ZNF263: variants seen among roughly 807,000 people sequenced by gnomAD.
ZNF263 encodes the protein zinc finger protein FPM315.
In ZNF263, 49 loss-of-function variants were observed where a neutral mutation model predicts 63.1. That is an observed-to-expected ratio of 0.78 (90% CI 0.62 to 0.99). The LOEUF (loss-of-function observed/expected upper bound fraction) is 0.99. ZNF263 is among the 50% of genes least tolerant of loss of function. ZNF263 has a pLI of 0.00. For missense variants in ZNF263, 872 were observed against 854.8 expected (o/e 1.02, Z -0.25); for synonymous variants, 352 against 324.2 (o/e 1.09, Z -0.92).
downstream of ZNF263, among the ~76,000 whole-genome samples, chr16:3,295,790 G>T (rs1959729831): frequency 6.6e-6 from 1 of 152,246 alleles, no homozygotes; most frequent in Admixed American, 6.5e-5. Flanking sequence ...AAGGCGAAGG[G>T]AGCCTGGACC....
At chr16:3,299,509 G>T in intron 2 of ZNF263, 1 of 1,533,158 alleles carries the variant, frequency 6.5e-7, no homozygotes. Flanking sequence ...TTTAATTTTG[G>T]AAACTCCTTT....
intron 2 of ZNF263, chr16:3,300,274 A>G (rs778660877): frequency 6.2e-7 from 1 of 1,614,204 alleles, no homozygotes; most frequent in East Asian, 2.2e-5. Context: ...TGTTCGCCCA[A>G]AACACCGTGC....
chr16:3,297,456 C>CT (rs1168352573), intron 1 of ZNF263, among the ~76,000 whole-genome samples: 4,650 of 76,476 alleles, frequency 0.061, 1,062 homozygotes, highest in East Asian at 0.1. Flanking sequence ...GAAACAGATT[C>CT]TTTTTTTTTT....
chr16:3,295,372 G>T (rs1024587679), downstream of ZNF263, among the ~76,000 whole-genome samples: 8 of 152,202 alleles, frequency 5.3e-5, no homozygotes, highest in African/African-American at 1.9e-4. Context: ...CGCCCCAGCC[G>T]CCCAAGTCAC....
Position 3,290,139 on chromosome 16 carries a change from C to A in ZNF263, c.1633C>A (p.Leu545Ile), listed in dbSNP as rs778210681. Reference protein sequence around the residue: ...IHERTHERERLYPFSECGEAV... With the variant: ...IHERTHERERIYPFSECGEAV... ...CGAAAGAACTCATGAGAGAGAGAGA[C>A]TTTACCCCTTCTCTGAGTGTGGGGA... The change falls in exon 6 of 6, where the codon CTT (leucine) becomes ATT (isoleucine). Residue 545 changes from leucine (L) to isoleucine (I), a missense_variant. By Grantham distance (5) the Leu-to-Ile change is conservative (BLOSUM62 2). Coordinates refer to ENST00000219069, the MANE Select transcript of ZNF263 (RefSeq NM_005741.5). 9.3e-6 allele frequency: 15 copies of A among 1,613,982 alleles called. No individual in the cohort carries two copies. The highest frequency in any genetic ancestry group is 1.3e-5 in the Non-Finnish European group (15 of 1,180,020).
At chr16:3,301,255 A>T in exon 3 of ZNF263, 1 of 167,274 alleles carries the variant, frequency 6.0e-6, no homozygotes. Flanking sequence ...GCTCCGAGCT[A>T]CAGGGACCCT....
chr16:3,286,930 C>G (rs1959380210), intron 4 of ZNF263: 1 of 151,918 alleles, frequency 6.6e-6, no homozygotes, highest in Admixed American at 6.6e-5. Context: ...TGAAACACAC[C>G]AGTAGAAAGA....
chr16:3,289,059 G>C (rs1959495183), intron 5 of ZNF263, among the ~76,000 whole-genome samples: 1 of 152,126 alleles, frequency 6.6e-6, no homozygotes, highest in Non-Finnish European at 1.5e-5. Context: ...AGGAACCCAG[G>C]GTGCAGAGTT....
chr16:3,288,901 C>G (rs572514435), intron 5 of ZNF263, among the ~76,000 whole-genome samples: 4 of 152,230 alleles, frequency 2.6e-5, no homozygotes, highest in South Asian at 4.1e-4. Context: ...CTCGGCCTCC[C>G]AAAGTGCTGG....
intron 4 of ZNF263, among the ~76,000 whole-genome samples, chr16:3,287,870 A>C (rs1959436390): frequency 6.6e-6 from 1 of 151,882 alleles, no homozygotes; most frequent in Non-Finnish European, 1.5e-5. Context: ...CAAGGAACTG[A>C]CCATGTTCAT....
Position 3,283,699 on chromosome 16 carries a change from C to A in ZNF263, c.-120C>A. ...CTGGGCTGGAGCGGGGCTCCTCGGCCTGGACTGGGAGCCCCCGGCCCCGGG... is the reference window on the plus strand; with the variant it reads ...CTGGGCTGGAGCGGGGCTCCTCGGCATGGACTGGGAGCCCCCGGCCCCGGG... On this transcript the variant is annotated 5_prime_UTR_variant, in exon 1 of 6. In the 5' UTR this introduces an upstream ATG that the reference lacks. Transcript: ENST00000219069. 1 of 1,369,818 alleles carries A rather than the reference C, an allele frequency of 7.3e-7. No homozygotes were observed. The highest frequency in any genetic ancestry group is 2.8e-5 in the East Asian group (1 of 35,774). 84.9% of individuals were successfully genotyped at this position (1,369,818 alleles called of 1,614,324 possible).
In ZNF263 at chr16:3,299,104, A is replaced by G. The variant is rs773512281; in HGVS notation, c.152-2A>G. On this transcript the variant is annotated splice_acceptor_variant, in intron 1 of 2. Transcript: ENST00000574674. LOFTEE classifies it high-confidence loss of function. ...GACTATTTCTTGTTGCATCTCTTTC[A>G]GTGTGAAGTGGAATCTCTGAAACTC... 6.9e-7 allele frequency: 1 copy of G among 1,442,620 alleles called. No individual in the cohort carries two copies. Among genetic ancestry groups the G allele is most frequent in the Non-Finnish European group, 9.1e-7 (1 of 1,097,256 alleles). The allele number at this position is 1,442,620 out of a possible 1,614,324, so 89.4% of individuals were successfully genotyped here.
At chr16:3,299,890 G>C in intron 2 of ZNF263, 3 of 1,607,754 alleles carry the variant, frequency 1.9e-6, no homozygotes, top group Non-Finnish European at 2.5e-6. Flanking sequence ...CAATGTACTT[G>C]TGTCCTCTTT....
At position 3,284,892 on chromosome 16, in the gene ZNF263, C is replaced by T. The variant is rs567320100; in HGVS notation, c.388-167C>T. Among the ~76,000 whole-genome samples, 6 of 152,314 alleles carry T rather than the reference C, an allele frequency of 3.9e-5. 1 individual carries two copies. In the South Asian group the frequency reaches 1.0e-3, roughly 26 times the overall value. On this transcript the variant is annotated intron_variant, in intron 1 of 5. Coordinates refer to ENST00000219069, the MANE Select transcript of ZNF263 (RefSeq NM_005741.5). ...TGGGCCCTTTCCCTAACCCCTCCCC[C>T]TGCACATGGGATCAAAAAAGCCTTT...
intron 2 of ZNF263, 24 bp from the exon 3 acceptor site, chr16:3,285,657 C>T (rs761602959): frequency 1.9e-6 from 3 of 1,611,090 alleles, no homozygotes; most frequent in South Asian, 1.1e-5. Context: ...ATGCCATTCT[C>T]ATTATAATTT....
chr16:3,293,121 T>C (rs926092899), downstream of ZNF263: 1 of 152,200 alleles, frequency 6.6e-6, no homozygotes, highest in Non-Finnish European at 1.5e-5. Flanking sequence ...AAATCTCATC[T>C]CTAATTGTTA....
Position 3,284,119 on chromosome 16 carries a change from G to A in ZNF263, c.301G>A (p.Val101Met). The change falls in exon 1 of 6, where the codon GTG (valine) becomes ATG (methionine). Residue 101 changes from valine (V) to methionine (M), a missense_variant. Transcript: ENST00000219069. ...CCTGCCCCAGGAGATCCAGAGCAGG[G>A]TGCAGGAGCTGCATCCGGAGAGCGG... is the stretch of plus-strand genomic sequence containing the variant. Reference protein sequence around the residue: ...TILPQEIQSRVQELHPESGEE... With the variant: ...TILPQEIQSRMQELHPESGEE... The A allele has an allele frequency of 6.2e-7, 1 of 1,610,618 alleles. No homozygotes were observed. Among genetic ancestry groups the A allele is most frequent in the Non-Finnish European group, 8.5e-7 (1 of 1,177,952 alleles).
Position 3,285,668 on chromosome 16 carries a change from C to T in ZNF263, c.569-13C>T. On this transcript the variant is annotated splice_polypyrimidine_tract_variant and intron_variant, in intron 2 of 5. Transcript: ENST00000219069. ...AGGAATGCCATTCTCATTATAATTT[C>T]TGTCACCTTCAGCATTATCTGCTCC... The T allele has an allele frequency of 6.2e-7, 1 of 1,613,620 alleles. No individual in the cohort carries two copies. The highest frequency in any genetic ancestry group is 8.5e-7 in the Non-Finnish European group (1 of 1,179,542).
At position 3,290,757 on chromosome 16, in the gene ZNF263, G is replaced by A; in HGVS notation, c.*199G>A. 2 of 1,391,758 alleles carry A rather than the reference G, an allele frequency of 1.4e-6. No individual in the cohort carries two copies. Among genetic ancestry groups the A allele is most frequent in the Non-Finnish European group, 1.9e-6 (2 of 1,076,670 alleles). The allele number at this position is 1,391,758 out of a possible 1,614,324, so 86.2% of individuals were successfully genotyped here. A position where few individuals can be genotyped will look rare whatever the true frequency, so the allele number is the denominator to read the frequency against. On this transcript the variant is annotated 3_prime_UTR_variant, in exon 6 of 6. Transcript: ENST00000219069. ...GAGTTCTGTCTGCATGAGAAAGGAT[G>A]GCAAGTCTCTGAGGTGACCTCAGGG...
Sources: allele counts gnomAD v4.1 joint callset (sites outside exome capture counted in the v4.1 genomes callset), GRCh38; gene constraint gnomAD v4.1.1; transcripts MANE v1.5; gene names NCBI Gene and HGNC (gene_info 2026-07-23, HGNC 2026-07-21).